Variants in POU2F1 observed in about 807,000 individuals in gnomAD.
The protein encoded by POU2F1 is POU domain, class 2, transcription factor 1.
In POU2F1, 16 loss-of-function variants were observed where a neutral mutation model predicts 84.9. That is an observed-to-expected ratio of 0.19 (90% CI 0.13 to 0.29). The LOEUF is 0.29. Among genes scored for constraint, POU2F1 ranks in the 10% least tolerant of loss-of-function variants. The probability of loss-of-function intolerance (pLI) is 1.00; values close to 1 mark genes in which losing one functional copy is unlikely to be tolerated. For synonymous variants in POU2F1, 368 were observed against 368.3 expected (o/e 1.00, Z 0.01); for missense variants, 738 against 942.6 (o/e 0.78, Z 2.84).
intron 1 of POU2F1, among the ~76,000 whole-genome samples, chr1:167,321,394 A>G (rs539343815): frequency 6.6e-6 from 1 of 152,332 alleles, no homozygotes; most frequent in East Asian, 1.9e-4. Context: ...TTTTAAATCT[A>G]TGACTATTAA....
chr1:167,224,968 A>G (rs974637318), intron 1 of POU2F1, among the ~76,000 whole-genome samples: 4 of 151,844 alleles, frequency 2.6e-5, no homozygotes, highest in Admixed American at 1.3e-4. Context: ...AGCTGGGACT[A>G]CAGGCATGCG....
chr1:167,302,409 C>A lies in POU2F1; in HGVS notation c.62-30061C>A, dbSNP rs543663411. 3.9e-3 allele frequency among the ~76,000 whole-genome samples: 590 copies of A among 152,112 alleles called. 3 individuals are homozygous for A. The highest frequency in any genetic ancestry group is 0.013 in the African/African-American group (542 of 41,478). The stretch of plus-strand genomic sequence containing the variant: ...CCGAGTAGCTGGGATTACAGGCATG[C>A]ATCACCATGCCTGGCTAATTTTTGT... On this transcript the variant is annotated intron_variant, in intron 1 of 15. Transcript: ENST00000367866.
chr1:167,340,280 A>C (rs1657748165), intron 2 of POU2F1, among the ~76,000 whole-genome samples: 1 of 151,870 alleles, frequency 6.6e-6, no homozygotes, highest in African/African-American at 2.4e-5. Context: ...GGGTTTCTTC[A>C]TGTTGGTCAG....
At chr1:167,311,968 G>A (rs1655513161) in intron 1 of POU2F1, among the ~76,000 whole-genome samples, 1 of 151,128 alleles carries the variant, frequency 6.6e-6, no homozygotes, top group Non-Finnish European at 1.5e-5. Flanking sequence ...TTTTGGAGAT[G>A]GAGTCTTACT....
At chr1:167,398,365 G>A (rs2101911366) in intron 11 of POU2F1, among the ~76,000 whole-genome samples, 1 of 152,272 alleles carries the variant, frequency 6.6e-6, no homozygotes, top group East Asian at 1.9e-4. Context: ...GAGAGAGGTG[G>A]CAGCTTACCA....
chr1:167,397,001 T>C (rs189018002), intron 10 of POU2F1, among the ~76,000 whole-genome samples: 53 of 152,296 alleles, frequency 3.5e-4, no homozygotes, highest in African/African-American at 1.2e-3. Context: ...ATTGTAGATA[T>C]GAACAAAAAT....
In POU2F1 at chr1:167,413,089, C is replaced by G; in HGVS notation, c.1965C>G (p.Ser655Arg). Residue 655 changes from serine (S) to arginine (R), a missense_variant, in exon 15 of 16, where the codon AGC becomes AGG. This residue lies in a region of POU2F1 where 319 missense variants were observed against 386.0 expected (regional missense o/e 0.83). Transcript: ENST00000367866. The stretch of plus-strand genomic sequence containing the variant: ...GTGCTCTCAGCCCAGCTCTAATGAG[C>G]AACAGTACACTGGCAACTATTCAAG... ...LSGALSPALM[S>R]NSTLATIQAL... The G allele has an allele frequency of 6.2e-7, 1 of 1,613,768 alleles. No homozygotes were observed. Among genetic ancestry groups the G allele is most frequent in the Non-Finnish European group, 8.5e-7 (1 of 1,179,758 alleles).
At position 167,313,203 on chromosome 1, in the gene POU2F1, A is replaced by G. The variant is rs557668897; in HGVS notation, c.62-19267A>G. On this transcript the variant is annotated intron_variant, in intron 1 of 15. Coordinates refer to ENST00000367866, the MANE Select transcript of POU2F1 (RefSeq NM_002697.4). ...GGAAGATACAGAGTAAGGGAGAGATATATACTATATTCAGGGATTAGAAGA... is the reference window on the plus strand; with the variant it reads ...GGAAGATACAGAGTAAGGGAGAGATGTATACTATATTCAGGGATTAGAAGA... Among the ~76,000 whole-genome samples, 3 of 151,288 alleles carry G rather than the reference A, an allele frequency of 2.0e-5. No homozygotes were observed. The South Asian group carries it at 6.2e-4, about 31-fold the overall frequency.
chr1:167,227,546 A>G (rs979603740), intron 1 of POU2F1, among the ~76,000 whole-genome samples: 2 of 152,176 alleles, frequency 1.3e-5, no homozygotes, highest in African/African-American at 4.8e-5. Context: ...GTTTTAGTAC[A>G]CTTATTTTAG....
At chr1:167,391,434 A>G (rs1288957038) in intron 9 of POU2F1, among the ~76,000 whole-genome samples, 1 of 151,888 alleles carries the variant, frequency 6.6e-6, no homozygotes, top group Non-Finnish European at 1.5e-5. Flanking sequence ...ATATTACTCA[A>G]ATTATTTTGT....
rs540136632 is a variant in POU2F1 at position 167,391,822 on chromosome 1, G to A, written c.987+2061G>A. On this transcript the variant is annotated intron_variant, in intron 9 of 15. Transcript: ENST00000367866. ...AATCCACCCACGTCAGCTTCCCAAA[G>A]TGCTAAGATTACAGGTGTGAGCCAC... Among the ~76,000 whole-genome samples, 49 of 151,898 alleles carry A rather than the reference G, an allele frequency of 3.2e-4. No individual in the cohort carries two copies. In the South Asian group the frequency reaches 5.4e-3, roughly 17 times the overall value.
Position 167,426,740 on chromosome 1 carries a change from C to T in POU2F1, c.*10930C>T, listed in dbSNP as rs1168512403. On this transcript the variant is annotated 3_prime_UTR_variant, in exon 16 of 16. Transcript: ENST00000367866. ...GTACTTTAAAATGTGAGTTTGAGTT[C>T]TTCTTTGTGGAAACTTAAGATGTGG... The T allele has an allele frequency of 6.6e-6, 1 of 152,166 alleles. No homozygotes were observed. Among genetic ancestry groups the T allele is most frequent in the Non-Finnish European group, 1.5e-5 (1 of 68,036 alleles). 9.4% of individuals were successfully genotyped at this position (152,166 alleles called of 1,614,324 possible).
In POU2F1 at chr1:167,420,793, T is replaced by C. The variant is rs1650604006; in HGVS notation, c.*4983T>C. On this transcript the variant is annotated 3_prime_UTR_variant, in exon 16 of 16. Transcript: ENST00000367866. ...CTGACAGGTGGCTCTGGCCTGGCTC[T>C]TGGGGGGCCTTCTGAAGACCAGTCT... 1 of 152,210 alleles carries C rather than the reference T, an allele frequency of 6.6e-6. No individual in the cohort carries two copies. Among genetic ancestry groups the C allele is most frequent in the South Asian group, 2.1e-4 (1 of 4,832 alleles). 9.4% of individuals were successfully genotyped at this position (152,210 alleles called of 1,614,324 possible).
At chr1:167,229,938 A>G (rs990137605) in intron 1 of POU2F1, among the ~76,000 whole-genome samples, 2 of 152,200 alleles carry the variant, frequency 1.3e-5, no homozygotes, top group African/African-American at 4.8e-5. Flanking sequence ...CCTATGCATT[A>G]TTATCTTTAC....
chr1:167,415,707 A>G lies in POU2F1; in HGVS notation c.2198A>G (p.His733Arg), dbSNP rs774663071. 6.2e-7 allele frequency: 1 copy of G among 1,614,116 alleles called. No individual in the cohort carries two copies. Among genetic ancestry groups the G allele is most frequent in the South Asian group, 1.1e-5 (1 of 91,086 alleles). ...AACTCTGCACCTGTAGCCAGCCTTC[A>G]CGCCACCTCCACCTCTGCTGAGTCC... Reference protein sequence around the residue: ...AGNSAPVASLHATSTSAESIQ... With the variant: ...AGNSAPVASLRATSTSAESIQ... Residue 733 changes from histidine (H) to arginine (R), a missense_variant, in exon 16 of 16, where the codon CAC (histidine) becomes CGC (arginine). By Grantham distance (29) the His-to-Arg change is conservative (BLOSUM62 0). This residue lies in a region of POU2F1 where 319 missense variants were observed against 386.0 expected (regional missense o/e 0.83). Transcript: ENST00000367866.
At chr1:167,384,509 A>G (rs546951736) in intron 8 of POU2F1, among the ~76,000 whole-genome samples, 1 of 152,228 alleles carries the variant, frequency 6.6e-6, no homozygotes, top group Non-Finnish European at 1.5e-5. Context: ...TCTGGACCTC[A>G]GTCTTCTCAT....
intron 1 of POU2F1, among the ~76,000 whole-genome samples, chr1:167,273,882 G>C (rs543663318): frequency 2.0e-5 from 3 of 152,288 alleles, no homozygotes; most frequent in Non-Finnish European, 2.9e-5. Context: ...ATTAGAGTTT[G>C]ACAAAGATAT....
chr1:167,337,137 T>A, intron 2 of POU2F1, among the ~76,000 whole-genome samples: 1 of 144,962 alleles, frequency 6.9e-6, no homozygotes. Context: ...CACTCCAGCC[T>A]GGGCAACAAG....
At chr1:167,333,301 T>G (rs1657204014) in intron 2 of POU2F1, among the ~76,000 whole-genome samples, 1 of 152,196 alleles carries the variant, frequency 6.6e-6, no homozygotes, top group African/African-American at 2.4e-5. Context: ...CTTTATCATC[T>G]GCCAGAGAGG....
Sources: allele counts gnomAD v4.1 joint callset (sites outside exome capture counted in the v4.1 genomes callset), GRCh38; gene constraint gnomAD v4.1.1; regional missense constraint gnomAD v4.1.1; transcripts MANE v1.5; gene names NCBI Gene and HGNC (gene_info 2026-07-23, HGNC 2026-07-21).